The following SELP variants were observed in gnomAD, a reference collection of about 807,000 sequenced individuals.
SELP encodes the protein selectin P.
A neutral mutation model predicts 104.1 loss-of-function variants in SELP; 92 were observed. That is an observed-to-expected ratio of 0.88 (90% confidence interval 0.75 to 1.05). The LOEUF (loss-of-function observed/expected upper bound fraction) is 1.05. Among genes scored for constraint, SELP ranks in the 50% least tolerant of loss-of-function variants. SELP has a pLI of 0.00. For missense variants in SELP, 1,022 were observed against 1,017.3 expected (o/e 1.00, Z -0.06); for synonymous variants, 397 against 364.5 (o/e 1.09, Z -1.01).
At chr1:169,600,882 A>G (rs1014366666) in intron 10 of SELP, among the ~76,000 whole-genome samples, 2 of 152,202 alleles carry the variant, frequency 1.3e-5, no homozygotes, top group African/African-American at 4.8e-5. Flanking sequence ...TCCAAGGGCC[A>G]TAGTGGGTTA....
intron 9 of SELP, among the ~76,000 whole-genome samples, chr1:169,603,629 G>A (rs1450309608): frequency 6.6e-6 from 1 of 152,076 alleles, no homozygotes; most frequent in Non-Finnish European, 1.5e-5. Context: ...GACCTTACCA[G>A]AAAACAATGA....
chr1:169,617,128 G>A lies in SELP; in HGVS notation c.381C>T (p.Asn127=), dbSNP rs145511359. 1.2e-6 allele frequency: 2 copies of A among 1,613,828 alleles called. No homozygotes were observed. Among genetic ancestry groups the A allele is most frequent in the African/African-American group, 2.7e-5 (2 of 74,820 alleles). The change falls in exon 3 of 17, where the codon AAC becomes AAT. Residue 127 remains asparagine (N), a synonymous_variant. Transcript: ENST00000263686. Reference sequence around the variant, plus strand: ...TGTATATCTCCACGCAGTCCTCGTTGTTCCTTTTGTTGTTAGGTTCATTAT... The same window carrying A: ...TGTATATCTCCACGCAGTCCTCGTTATTCCTTTTGTTGTTAGGTTCATTAT... The part of the protein sequence containing the change: ...WADNEPNNKR[N]NEDCVEIYIK...
At chr1:169,620,026 C>T (rs1347823318) in intron 1 of SELP, among the ~76,000 whole-genome samples, 1 of 151,854 alleles carries the variant, frequency 6.6e-6, no homozygotes, top group Non-Finnish European at 1.5e-5. Context: ...CATAGTGAAA[C>T]CCTGTCTCTA....
In SELP at chr1:169,607,139, G is replaced by C; in HGVS notation, c.1334-5C>G. On this transcript the variant is annotated splice_polypyrimidine_tract_variant and splice_region_variant and intron_variant, in intron 8 of 16. Coordinates refer to ENST00000263686, the MANE Select transcript of SELP (RefSeq NM_003005.4). ...GGAGATCCTGGCACTGCAAAGCTAA[G>C]GGATGAGGAAGTAAGGAATAAAGAA... is the stretch of plus-strand genomic sequence containing the variant. The C allele has an allele frequency of 6.3e-7, 1 of 1,586,666 alleles. No individual in the cohort carries two copies. Among genetic ancestry groups the C allele is most frequent in the Non-Finnish European group, 8.6e-7 (1 of 1,160,278 alleles).
chr1:169,597,039 C>G lies in SELP; in HGVS notation c.1843G>C (p.Glu615Gln), dbSNP rs1350130871. The change falls in exon 11 of 17, where the codon GAA becomes CAA. Residue 615 changes from glutamate to glutamine, a missense_variant. Glu to Gln is a conservative substitution (Grantham distance 29). Transcript: ENST00000263686. The stretch of plus-strand genomic sequence containing the variant: ...GACCATCTTCCAGAAGTTGTGCATT[C>G]CACATTATTGGGCCCCTCCAGCTTA... ...GFKLEGPNNV[E>Q]CTTSGRWSAT... The G allele has an allele frequency of 6.2e-7, 1 of 1,613,106 alleles. No homozygotes were observed. The highest frequency in any genetic ancestry group is 1.3e-5 in the African/African-American group (1 of 74,788).
intron 2 of SELP, among the ~76,000 whole-genome samples, chr1:169,618,541 T>C (rs1200544480): frequency 6.6e-6 from 1 of 152,132 alleles, no homozygotes; most frequent in Non-Finnish European, 1.5e-5. Context: ...GGCCTGGAAA[T>C]GGGTTTCTTT....
In SELP at chr1:169,595,864, T is replaced by C. The variant is rs1661577093; in HGVS notation, c.2101+61A>G. The C allele has an allele frequency of 5.4e-6, 8 of 1,483,936 alleles. No individual in the cohort carries two copies. In the East Asian group the frequency reaches 1.1e-4, roughly 21 times the overall value. The allele number at this position is 1,483,936 out of a possible 1,614,324, so 91.9% of individuals were successfully genotyped here. On this transcript the variant is annotated intron_variant, in intron 12 of 16. Coordinates refer to ENST00000263686, the MANE Select transcript of SELP (RefSeq NM_003005.4). ...GTGAGACTTCAACATACAGGCACAATGGCTAGCTTGAGTACTTGCAGGAAG... is the reference window on the plus strand; with the variant it reads ...GTGAGACTTCAACATACAGGCACAACGGCTAGCTTGAGTACTTGCAGGAAG...
chr1:169,602,814 G>A (rs1179990354), intron 10 of SELP, among the ~76,000 whole-genome samples: 1 of 152,178 alleles, frequency 6.6e-6, no homozygotes, highest in East Asian at 1.9e-4. Context: ...GTTTCACCAT[G>A]TTGGCCAGGA....
chr1:169,591,152 G>C (rs988092555), intron 15 of SELP, among the ~76,000 whole-genome samples: 9 of 152,152 alleles, frequency 5.9e-5, no homozygotes, highest in Non-Finnish European at 1.3e-4. Flanking sequence ...TGTGGAAGGT[G>C]CACGCTTCTG....
At position 169,594,837 on chromosome 1, in the gene SELP, C is replaced by T. The variant is rs138760541; in HGVS notation, c.2142G>A (p.Ala714=). The part of the protein sequence containing the change: ...CSELHVNKPI[A]MNCSNLWGNF... ...TTCCCCAGAGGTTGGAGCAGTTCAT[C>T]GCTATTGGCTTATTAACATGTAGTT... Residue 714 remains alanine, a synonymous_variant, in exon 13 of 17, where the codon GCG becomes GCA. Coordinates refer to ENST00000263686, the MANE Select transcript of SELP (RefSeq NM_003005.4). 19 of 1,613,682 alleles carry T rather than the reference C, an allele frequency of 1.2e-5. No individual in the cohort carries two copies. Among genetic ancestry groups the T allele is most frequent in the Admixed American group, 1.7e-5 (1 of 59,966 alleles).
At chr1:169,602,818 G>T (rs1482682559) in intron 10 of SELP, among the ~76,000 whole-genome samples, 1 of 152,160 alleles carries the variant, frequency 6.6e-6, no homozygotes, top group East Asian at 1.9e-4. Flanking sequence ...CACCATGTTG[G>T]CCAGGATGTT....
intron 13 of SELP, among the ~76,000 whole-genome samples, chr1:169,593,934 T>G (rs1384734219): frequency 6.6e-6 from 1 of 152,198 alleles, no homozygotes; most frequent in East Asian, 1.9e-4. Flanking sequence ...CTTATTTTAT[T>G]CCTAAGGCTT....
At chr1:169,603,399 T>C (rs1662023284) in intron 9 of SELP, among the ~76,000 whole-genome samples, 188 bp from the exon 10 acceptor site, 1 of 151,696 alleles carries the variant, frequency 6.6e-6, no homozygotes, top group Middle Eastern at 3.2e-3. Context: ...TTGAATTTCA[T>C]GATGCTTCAT....
chr1:169,617,187 T>C lies in SELP; in HGVS notation c.322A>G (p.Lys108Glu), dbSNP rs1235110017. 3 of 1,614,188 alleles carry C rather than the reference T, an allele frequency of 1.9e-6. No individual in the cohort carries two copies. Among genetic ancestry groups the C allele is most frequent in the African/African-American group, 1.3e-5 (1 of 75,046 alleles). ...TTCTCAGCCTCGTTGGTGAGAGCCT[T>C]TTTGGTTCCCACCCATGTCCATGTC... ...NKTWTWVGTK[K>E]ALTNEAENWA... Residue 108 changes from lysine to glutamate, a missense_variant, in exon 3 of 17, where the codon AAG (lysine) becomes GAG (glutamate). Coordinates refer to ENST00000263686, the MANE Select transcript of SELP (RefSeq NM_003005.4).
intron 1 of SELP, among the ~76,000 whole-genome samples, chr1:169,620,465 C>A (rs1044007043): frequency 2.7e-5 from 4 of 150,810 alleles, no homozygotes; most frequent in African/African-American, 9.8e-5. Flanking sequence ...ATAAAGCATG[C>A]GACATGACCA....
intron 1 of SELP, 146 bp downstream of exon 1, chr1:169,629,926 G>A (rs968831579): frequency 9.7e-7 from 1 of 1,026,484 alleles, no homozygotes; most frequent in African/African-American, 1.6e-5. Flanking sequence ...AAGTTTAAAA[G>A]TACTCACAAA....
chr1:169,620,465 C>G (rs1044007043), intron 1 of SELP, among the ~76,000 whole-genome samples: 1 of 150,810 alleles, frequency 6.6e-6, no homozygotes, highest in African/African-American at 2.4e-5. Flanking sequence ...ATAAAGCATG[C>G]GACATGACCA....
intron 7 of SELP, 49 bp downstream of exon 7, chr1:169,611,443 C>T (rs1224978473): frequency 4.4e-6 from 7 of 1,587,578 alleles, no homozygotes; most frequent in Non-Finnish European, 6.0e-6. Context: ...CTCTACCATG[C>T]CATGATTCCT....
chr1:169,616,809 A>T (rs1453970231), intron 3 of SELP, among the ~76,000 whole-genome samples: 1 of 152,162 alleles, frequency 6.6e-6, no homozygotes, highest in Non-Finnish European at 1.5e-5. Context: ...GAGCTGGATG[A>T]TATTAAAATT....
Sources: gnomAD v4.1 joint callset for allele counts (sites outside exome capture counted in the v4.1 genomes callset) on GRCh38, gnomAD v4.1.1 for gene constraint, MANE v1.5 for transcripts, NCBI Gene and HGNC (gene_info 2026-07-23, HGNC 2026-07-21) for gene names.